Variants in KCNMB2 observed in about 807,000 individuals in gnomAD.
The protein encoded by KCNMB2 is potassium calcium-activated channel subfamily M regulatory beta subunit 2.
Under a neutral mutation model 24.5 loss-of-function variants are expected in KCNMB2, and 9 were observed. That is an observed-to-expected ratio of 0.37 (90% CI 0.22 to 0.64). The LOEUF (loss-of-function observed/expected upper bound fraction) is 0.64, where lower values mean the gene tolerates loss of function less well. Among genes scored for constraint, KCNMB2 ranks in the 30% least tolerant of loss-of-function variants. The pLI, the probability that KCNMB2 is intolerant of heterozygous loss-of-function variation, is 0.63. For synonymous variants in KCNMB2, 109 were observed against 104.4 expected, an observed-to-expected ratio of 1.04 and a Z score of -0.27; for missense variants, 226 against 284.3, an observed-to-expected ratio of 0.79 and a Z score of 1.47.
intron 1 of KCNMB2, among the ~76,000 whole-genome samples, chr3:178,566,430 A>C (rs1716522023): frequency 6.6e-6 from 1 of 151,746 alleles, no homozygotes; most frequent in South Asian, 2.1e-4. Flanking sequence ...ACACTTGCAC[A>C]TGTGCACACA....
chr3:178,578,585 A>C (rs1425185733), intron 1 of KCNMB2, among the ~76,000 whole-genome samples: 2 of 152,172 alleles, frequency 1.3e-5, no homozygotes, highest in Non-Finnish European at 2.9e-5. Context: ...CAGACTGGCA[A>C]ATTGGATAAA....
At chr3:178,759,423 C>CTCCAAGAGGATATATATATATATA in intron 1 of KCNMB2, among the ~76,000 whole-genome samples, 1 of 6,900 alleles carries the variant, frequency 1.4e-4, no homozygotes, top group African/African-American at 1.7e-3. Flanking sequence ...ATATATATAT[C>CTCCAAGAGGATATATATATATATA]TCTCCAAGAG....
At chr3:178,679,333 T>C (rs1721188615) in intron 1 of KCNMB2, among the ~76,000 whole-genome samples, 1 of 152,120 alleles carries the variant, frequency 6.6e-6, no homozygotes, top group African/African-American at 2.4e-5. Flanking sequence ...TGGGCTCAAG[T>C]GATCATCCTG....
chr3:178,693,393 T>C lies in KCNMB2; in HGVS notation c.-67-113950T>C, dbSNP rs113964286. 1.7e-3 allele frequency among the ~76,000 whole-genome samples: 262 copies of C among 152,276 alleles called. 1 individual carries two copies. The highest frequency in any genetic ancestry group is 6.0e-3 in the African/African-American group (250 of 41,576). On this transcript the variant is annotated intron_variant, in intron 1 of 4. Coordinates refer to ENST00000452583, the MANE Select transcript of KCNMB2 (RefSeq NM_181361.3). The stretch of plus-strand genomic sequence containing the variant: ...ATGATGTTGGCTGTGGATTTGTTTA[T>C]ATGACTCTTATAATTTTGAGGTATG...
At chr3:178,759,885 T>G (rs543261512) in intron 1 of KCNMB2, among the ~76,000 whole-genome samples, 6 of 43,260 alleles carry the variant, frequency 1.4e-4, no homozygotes, top group African/African-American at 5.5e-4. Context: ...TATATATATA[T>G]ATATATCCAA....
At chr3:178,596,270 T>C (rs1042078502) in intron 1 of KCNMB2, among the ~76,000 whole-genome samples, 2 of 151,902 alleles carry the variant, frequency 1.3e-5, no homozygotes, top group Non-Finnish European at 2.9e-5. Context: ...TCAATAATGA[T>C]AGTTCAGAAT....
intron 1 of KCNMB2, among the ~76,000 whole-genome samples, chr3:178,689,312 G>C (rs1000314014): frequency 2.0e-5 from 3 of 152,080 alleles, no homozygotes; most frequent in African/African-American, 7.2e-5. Flanking sequence ...GGTGTTACCA[G>C]CTAGAACCGC....
Position 178,683,318 on chromosome 3 carries a change from C to T in KCNMB2, c.-67-124025C>T, listed in dbSNP as rs563140597. 1.3e-3 allele frequency among the ~76,000 whole-genome samples: 197 copies of T among 151,538 alleles called. 4 individuals are homozygous for T. The highest frequency in any genetic ancestry group is 4.4e-3 in the African/African-American group (183 of 41,282). ...TGGCAGCAATAAAGACTGGGGACTACTAGATGGCACAGAGAGGGGAGGGAG... is the reference window on the plus strand; with the variant it reads ...TGGCAGCAATAAAGACTGGGGACTATTAGATGGCACAGAGAGGGGAGGGAG... On this transcript the variant is annotated intron_variant, in intron 1 of 4. Transcript: ENST00000452583.
At chr3:178,765,615 TTGTG>T (rs1314517537) in intron 1 of KCNMB2, among the ~76,000 whole-genome samples, 1 of 87,698 alleles carries the variant, frequency 1.1e-5, no homozygotes, top group Non-Finnish European at 2.2e-5. Context: ...CTGCTAGAAT[TTGTG>T]TGTGTGTGTG....
intron 1 of KCNMB2, chr3:178,748,887 G>A (rs1393403110): frequency 6.6e-6 from 1 of 152,172 alleles, no homozygotes; most frequent in East Asian, 1.9e-4. Flanking sequence ...GAAGACAGGT[G>A]CTCATATTTA....
chr3:178,588,109 G>C (rs544485105), intron 1 of KCNMB2, among the ~76,000 whole-genome samples: 1 of 151,868 alleles, frequency 6.6e-6, no homozygotes, highest in Non-Finnish European at 1.5e-5. Flanking sequence ...TTTTATCAGA[G>C]GCTCTTTCTG....
intron 1 of KCNMB2, among the ~76,000 whole-genome samples, chr3:178,656,810 G>C (rs1720360480): frequency 6.6e-6 from 1 of 152,042 alleles, no homozygotes; most frequent in Non-Finnish European, 1.5e-5. Context: ...TACTCATTTT[G>C]ACCTATATCC....
intron 2 of KCNMB2, among the ~76,000 whole-genome samples, chr3:178,818,528 G>A (rs1714497241): frequency 6.6e-6 from 1 of 152,084 alleles, no homozygotes; most frequent in Non-Finnish European, 1.5e-5. Flanking sequence ...TGCGGTGTTT[G>A]GTTTTCTGTT....
At chr3:178,807,743 T>C (rs985586769) in intron 2 of KCNMB2, among the ~76,000 whole-genome samples, 4 of 152,234 alleles carry the variant, frequency 2.6e-5, no homozygotes, top group Non-Finnish European at 5.9e-5. Flanking sequence ...CTTTCAGATA[T>C]CAATAAGAAC....
chr3:178,571,777 T>C (rs1716810118), intron 1 of KCNMB2, among the ~76,000 whole-genome samples: 1 of 151,926 alleles, frequency 6.6e-6, no homozygotes, highest in Non-Finnish European at 1.5e-5. Context: ...AATGAGAACA[T>C]GCGGTGTTTG....
At chr3:178,615,189 G>A (rs1718660607) in intron 1 of KCNMB2, among the ~76,000 whole-genome samples, 1 of 152,176 alleles carries the variant, frequency 6.6e-6, no homozygotes, top group Admixed American at 6.5e-5. Context: ...ACCCCTGTGG[G>A]CCAGCACTAC....
intron 2 of KCNMB2, among the ~76,000 whole-genome samples, chr3:178,820,058 T>G (rs1714565600): frequency 6.6e-6 from 1 of 152,232 alleles, no homozygotes; most frequent in South Asian, 2.1e-4. Context: ...TGAACAGATT[T>G]TTAAAATATA....
At chr3:178,647,844 A>C (rs1386261929) in intron 1 of KCNMB2, among the ~76,000 whole-genome samples, 1 of 152,196 alleles carries the variant, frequency 6.6e-6, no homozygotes, top group African/African-American at 2.4e-5. Flanking sequence ...TCGTAGAACA[A>C]ATATTTGCTA....
chr3:178,778,253 G>A (rs1712662989), intron 1 of KCNMB2, among the ~76,000 whole-genome samples: 2 of 152,024 alleles, frequency 1.3e-5, no homozygotes, highest in South Asian at 4.1e-4. Context: ...TACAACTGAA[G>A]CTTTAAGATA....
Sources: gnomAD v4.1 joint callset for allele counts (sites outside exome capture counted in the v4.1 genomes callset) on GRCh38, gnomAD v4.1.1 for gene constraint, MANE v1.5 for transcripts, NCBI Gene and HGNC (gene_info 2026-07-23, HGNC 2026-07-21) for gene names.